Variants in DGKB observed in about 807,000 individuals in gnomAD.
DGKB encodes the protein diacylglycerol kinase beta, also known as 90 kDa diacylglycerol kinase.
Under a neutral mutation model 114.3 loss-of-function variants are expected in DGKB, and 67 were observed. That is an observed-to-expected ratio of 0.59 (90% CI 0.48 to 0.72). DGKB has a LOEUF of 0.72. Ranked by LOEUF, DGKB falls within the 30% of genes least tolerant of loss-of-function variation. DGKB has a pLI of 0.00. For missense variants in DGKB, 907 were observed against 975.2 expected (o/e 0.93, Z 0.93); for synonymous variants, 398 against 323.1 (o/e 1.23, Z -2.49).
chr7:14,303,986 CTCTTT>C lies in DGKB; in HGVS notation c.2122+34524_2122+34528del, dbSNP rs534141521. ...ACCCTGGATTAGATAATGCACTTCT[CTCTTT>C]TATTTAATTTTTTAATGTTACCTGT... is the stretch of plus-strand genomic sequence containing the variant. On this transcript the variant is annotated intron_variant, in intron 23 of 25. Transcript: ENST00000402815. Among the ~76,000 whole-genome samples the C allele has an allele frequency of 2.7e-3, 407 of 151,156 alleles. 1 individual carries two copies. The highest frequency in any genetic ancestry group is 4.9e-3 in the Non-Finnish European group (330 of 67,824).
chr7:14,270,157 T>C (rs2128430370), intron 23 of DGKB, among the ~76,000 whole-genome samples: 1 of 150,052 alleles, frequency 6.7e-6, no homozygotes, highest in African/African-American at 2.4e-5. Context: ...AACAGAAAAG[T>C]AAAATTGTCA....
At chr7:14,747,833 T>G (rs1833575814) in intron 4 of DGKB, among the ~76,000 whole-genome samples, 1 of 151,234 alleles carries the variant, frequency 6.6e-6, no homozygotes, top group Admixed American at 6.6e-5. Flanking sequence ...TGCTTTCTCA[T>G]TTTTTTCCTT....
At chr7:14,225,344 A>G (rs1173979007) in intron 23 of DGKB, among the ~76,000 whole-genome samples, 1 of 151,982 alleles carries the variant, frequency 6.6e-6, no homozygotes, top group East Asian at 1.9e-4. Context: ...TCTTGACTAC[A>G]TATTTATTTA....
chr7:14,213,144 A>T (rs1788409090), intron 23 of DGKB, among the ~76,000 whole-genome samples: 1 of 152,078 alleles, frequency 6.6e-6, no homozygotes, highest in Non-Finnish European at 1.5e-5. Context: ...AATTTGATTT[A>T]TTCAGACAAA....
intron 20 of DGKB, among the ~76,000 whole-genome samples, chr7:14,532,965 G>T (rs1791842977): frequency 6.6e-6 from 1 of 151,584 alleles, no homozygotes; most frequent in Non-Finnish European, 1.5e-5. Context: ...AGAATAAAAG[G>T]ATCACAAAGA....
intron 13 of DGKB, among the ~76,000 whole-genome samples, chr7:14,658,779 G>T (rs1816383157): frequency 6.6e-6 from 1 of 151,236 alleles, no homozygotes; most frequent in African/African-American, 2.4e-5. Flanking sequence ...TATAAAACAG[G>T]ATTAATTAAT....
intron 2 of DGKB, among the ~76,000 whole-genome samples, chr7:14,775,325 T>G (rs1451388300): frequency 2.0e-5 from 3 of 152,082 alleles, no homozygotes; most frequent in Non-Finnish European, 4.4e-5. Flanking sequence ...TTTAAATAAC[T>G]GTTAAATTTG....
chr7:14,780,188 G>T (rs1381219880), intron 2 of DGKB, among the ~76,000 whole-genome samples: 1 of 152,156 alleles, frequency 6.6e-6, no homozygotes, highest in Non-Finnish European at 1.5e-5. Flanking sequence ...TAAAGCACAT[G>T]ATGAAAGTAA....
At chr7:14,623,817 A>G (rs542760994) in intron 14 of DGKB, among the ~76,000 whole-genome samples, 56 of 152,312 alleles carry the variant, frequency 3.7e-4, no homozygotes, top group African/African-American at 1.3e-3. Flanking sequence ...GTTAAATGGC[A>G]TAATGTATAT....
At chr7:14,622,997 TTTAA>T (rs1807929602) in intron 14 of DGKB, among the ~76,000 whole-genome samples, 1 of 152,178 alleles carries the variant, frequency 6.6e-6, no homozygotes, top group African/African-American at 2.4e-5. Context: ...ATCTGATTTG[TTTAA>T]TTGTCTGCAT....
At chr7:14,221,975 CT>C (rs1437759691) in intron 23 of DGKB, among the ~76,000 whole-genome samples, 1 of 150,960 alleles carries the variant, frequency 6.6e-6, no homozygotes, top group East Asian at 1.9e-4. Context: ...ATAGTCTTTT[CT>C]TTTTTAAAGG....
At chr7:14,390,839 A>G in intron 21 of DGKB, among the ~76,000 whole-genome samples, 1 of 152,212 alleles carries the variant, frequency 6.6e-6, no homozygotes, top group East Asian at 1.9e-4. Context: ...TCACAATAGA[A>G]TTTAGAAGGT....
chr7:14,936,541 CTTTGA>C (rs1288991588), intron 1 of DGKB, among the ~76,000 whole-genome samples: 1 of 152,036 alleles, frequency 6.6e-6, no homozygotes, highest in Non-Finnish European at 1.5e-5. Context: ...AAATGCCTTG[CTTTGA>C]TTTGTCTATA....
At chr7:14,532,031 T>C (rs1036497609) in intron 20 of DGKB, among the ~76,000 whole-genome samples, 10 of 151,382 alleles carry the variant, frequency 6.6e-5, no homozygotes, top group Admixed American at 5.3e-4. Flanking sequence ...CAATGAATCC[T>C]ACATCCAAAT....
chr7:14,252,544 C>A (rs1795390226), intron 23 of DGKB, among the ~76,000 whole-genome samples: 1 of 152,132 alleles, frequency 6.6e-6, no homozygotes, highest in Admixed American at 6.5e-5. Context: ...AATACTCCAA[C>A]AGGCTGGCTT....
chr7:14,156,500 C>T (rs567459605), intron 25 of DGKB, among the ~76,000 whole-genome samples: 215 of 152,202 alleles, frequency 1.4e-3, no homozygotes, highest in Middle Eastern at 3.4e-3. Context: ...TGTCTAAAAA[C>T]TGTAATTTTA....
chr7:14,451,458 G>C (rs61145612), intron 21 of DGKB, among the ~76,000 whole-genome samples: 313 of 151,792 alleles, frequency 2.1e-3, no homozygotes, highest in African/African-American at 7.0e-3. Context: ...AGCTCTCCTT[G>C]ATCTCCAGCT....
chr7:14,590,533 C>T (rs1584994606), intron 17 of DGKB, among the ~76,000 whole-genome samples: 1 of 152,088 alleles, frequency 6.6e-6, no homozygotes, highest in East Asian at 1.9e-4. Flanking sequence ...ACATAAACCC[C>T]ATGTGACTGT....
At chr7:14,206,107 G>A (rs1245503756) in intron 23 of DGKB, among the ~76,000 whole-genome samples, 1 of 151,954 alleles carries the variant, frequency 6.6e-6, no homozygotes, top group Non-Finnish European at 1.5e-5. Flanking sequence ...ACTGAAATGA[G>A]CTATACAGAC....
Sources: gnomAD v4.1 joint callset for allele counts (sites outside exome capture counted in the v4.1 genomes callset) on GRCh38, gnomAD v4.1.1 for gene constraint, MANE v1.5 for transcripts, NCBI Gene and HGNC (gene_info 2026-07-23, HGNC 2026-07-21) for gene names.